TLL2: variants seen among roughly 807,000 people sequenced by gnomAD.
The protein encoded by TLL2 is tolloid like 2, also known as tolloid-like protein 2.
A neutral mutation model predicts 123.0 loss-of-function variants in TLL2; 106 were observed. The ratio of observed to expected loss-of-function variants is 0.86; its 90% CI spans 0.74 to 1.01. TLL2 has a LOEUF of 1.01. Ranked by LOEUF, TLL2 falls within the 50% of genes least tolerant of loss-of-function variation. TLL2 has a pLI of 0.00. For synonymous variants in TLL2, 494 were observed against 516.8 expected, an observed-to-expected ratio of 0.96 and a Z score of 0.60; for missense variants, 1,332 against 1,336.7, an observed-to-expected ratio of 1.00 and a Z score of 0.06.
At chr10:96,495,307 C>T (rs992275608) in intron 1 of TLL2, among the ~76,000 whole-genome samples, 1 of 152,110 alleles carries the variant, frequency 6.6e-6, no homozygotes, top group East Asian at 1.9e-4. Context: ...TAGTTCATTG[C>T]AAGTTTCCAG....
intron 16 of TLL2, 56 bp downstream of exon 16, chr10:96,384,531 A>T (rs1846212100): frequency 6.9e-7 from 1 of 1,456,170 alleles, no homozygotes. Flanking sequence ...CAGAGCCTGG[A>T]GTCTGCAAAG....
At chr10:96,403,966 T>C (rs907098735) in intron 10 of TLL2, among the ~76,000 whole-genome samples, 17 of 136,286 alleles carry the variant, frequency 1.2e-4, no homozygotes, top group Non-Finnish European at 2.2e-4. Flanking sequence ...CATAGTACCT[T>C]CCCTTGAACT....
chr10:96,371,184 G>T (rs1846080536), intron 19 of TLL2, among the ~76,000 whole-genome samples: 1 of 151,966 alleles, frequency 6.6e-6, no homozygotes, highest in African/African-American at 2.4e-5. Context: ...AGCTAGGTGT[G>T]GTGGTGGGCG....
At chr10:96,447,635 A>C (rs1252221066) in intron 2 of TLL2, among the ~76,000 whole-genome samples, 1 of 152,188 alleles carries the variant, frequency 6.6e-6, no homozygotes, top group Non-Finnish European at 1.5e-5. Flanking sequence ...AGATTTGAGG[A>C]CAAAGACTAT....
intron 1 of TLL2, among the ~76,000 whole-genome samples, chr10:96,490,146 A>T (rs1847397328): frequency 6.6e-6 from 1 of 152,148 alleles, no homozygotes; most frequent in Non-Finnish European, 1.5e-5. Flanking sequence ...ATAGCTAGGA[A>T]CAACCTTGAT....
At chr10:96,443,690 C>CA (rs1846869837) in intron 3 of TLL2, among the ~76,000 whole-genome samples, 1 of 152,242 alleles carries the variant, frequency 6.6e-6, no homozygotes, top group Non-Finnish European at 1.5e-5. Flanking sequence ...ATCTTTGTCA[C>CA]TGCAGTGTGA....
intron 2 of TLL2, among the ~76,000 whole-genome samples, chr10:96,465,801 C>T (rs929784915): frequency 3.3e-5 from 5 of 152,142 alleles, no homozygotes; most frequent in Admixed American, 6.6e-5. Context: ...GTGGGGACTG[C>T]GGCTCACCAT....
At chr10:96,444,954 C>T (rs1432542740) in intron 3 of TLL2, among the ~76,000 whole-genome samples, 1 of 152,212 alleles carries the variant, frequency 6.6e-6, no homozygotes, top group Non-Finnish European at 1.5e-5. Context: ...CTTTGGGAGG[C>T]CGAGGCGGGC....
At chr10:96,445,997 G>T in intron 3 of TLL2, 94 bp downstream of exon 3, 1 of 1,263,694 alleles carries the variant, frequency 7.9e-7, no homozygotes. Flanking sequence ...CCACTAAAGG[G>T]TATGCTTTAA....
At chr10:96,495,974 T>C (rs973617206) in intron 1 of TLL2, among the ~76,000 whole-genome samples, 3 of 152,186 alleles carry the variant, frequency 2.0e-5, no homozygotes, top group Non-Finnish European at 2.9e-5. Context: ...AACTGAAGAA[T>C]TTCTAAGACA....
chr10:96,490,299 T>C (rs1035233685), intron 1 of TLL2, among the ~76,000 whole-genome samples: 1 of 152,214 alleles, frequency 6.6e-6, no homozygotes, highest in Non-Finnish European at 1.5e-5. Flanking sequence ...TTTAATACAC[T>C]TCAATCAAAA....
At chr10:96,454,789 G>A (rs890672560) in intron 2 of TLL2, among the ~76,000 whole-genome samples, 3 of 152,176 alleles carry the variant, frequency 2.0e-5, no homozygotes, top group Non-Finnish European at 4.4e-5. Context: ...AGTGATCATA[G>A]CTATTATTAT....
Position 96,405,202 on chromosome 10 carries a change from C to T in TLL2, c.1267+30G>A, listed in dbSNP as rs1186635036. 3 of 1,596,764 alleles carry T rather than the reference C, an allele frequency of 1.9e-6. No homozygotes were observed. In the African/African-American group the frequency reaches 4.0e-5, roughly 21 times the overall value. ...CATCCCGGGGAACATCCCATCACTC[C>T]TCTCTTAACGGTGTCTAAAGTCAAC... On this transcript the variant is annotated intron_variant, in intron 10 of 20. Transcript: ENST00000357947.
At chr10:96,383,949 T>G (rs774306071) in intron 16 of TLL2, among the ~76,000 whole-genome samples, 2 of 152,184 alleles carry the variant, frequency 1.3e-5, no homozygotes, top group Non-Finnish European at 2.9e-5. Context: ...TTTTTCTTTA[T>G]CAATTACTCA....
rs916600513 is a variant in TLL2 at position 96,367,163 on chromosome 10, G to T, written c.*925C>A. 6.6e-6 allele frequency: 1 copy of T among 152,238 alleles called. No individual in the cohort carries two copies. Among genetic ancestry groups the T allele is most frequent in the Non-Finnish European group, 1.5e-5 (1 of 68,048 alleles). 9.4% of individuals were successfully genotyped at this position (152,238 alleles called of 1,614,324 possible). A position where few individuals can be genotyped will look rare whatever the true frequency, so the allele number is the denominator to read the frequency against. On this transcript the variant is annotated 3_prime_UTR_variant, in exon 21 of 21. Coordinates refer to ENST00000357947, the MANE Select transcript of TLL2 (RefSeq NM_012465.4). ...GACCTGAATTGGTCCCTCATAAGAG[G>T]TCTTTGCACATTTTGCAAATGCAGT... is the stretch of plus-strand genomic sequence containing the variant.
chr10:96,446,773 T>A (rs1207908040), intron 2 of TLL2, among the ~76,000 whole-genome samples: 1 of 152,210 alleles, frequency 6.6e-6, no homozygotes, highest in African/African-American at 2.4e-5. Context: ...CTAGTAGCCA[T>A]CATTTATAAA....
At chr10:96,440,230 T>C (rs115805408) in intron 3 of TLL2, among the ~76,000 whole-genome samples, 8 of 152,382 alleles carry the variant, frequency 5.2e-5, no homozygotes, top group African/African-American at 1.9e-4. Flanking sequence ...GGAAGCTCCA[T>C]GAGGGCAAGA....
chr10:96,370,498 G>A (rs1025515770), intron 19 of TLL2, among the ~76,000 whole-genome samples, 183 bp from the exon 20 acceptor site: 2 of 152,208 alleles, frequency 1.3e-5, no homozygotes, highest in Admixed American at 6.5e-5. Context: ...GGGCTCCCTC[G>A]GGGGTGCAAA....
Position 96,420,963 on chromosome 10 carries a change from A to C in TLL2, c.916T>G (p.Phe306Val). 6.2e-7 allele frequency: 1 copy of C among 1,613,968 alleles called. No homozygotes were observed. Among genetic ancestry groups the C allele is most frequent in the Non-Finnish European group, 8.5e-7 (1 of 1,179,896 alleles). ...DSIMHYARNT[F>V]SRGVFLDTIL... is the part of the protein sequence containing the mutation. ...ATAAGCATAGATTCCGACCTTGAGA[A>C]GGTGTTCCGGGCGTAGTGCATGATG... Residue 306 changes from phenylalanine to valine, a missense_variant, in exon 7 of 21, where the codon TTC becomes GTC. Coordinates refer to ENST00000357947, the MANE Select transcript of TLL2 (RefSeq NM_012465.4).
Sources: allele counts gnomAD v4.1 joint callset (sites outside exome capture counted in the v4.1 genomes callset), GRCh38; gene constraint gnomAD v4.1.1; transcripts MANE v1.5; gene names NCBI Gene and HGNC (gene_info 2026-07-23, HGNC 2026-07-21).